The following SAMMSON variants were observed in gnomAD, a reference collection of about 807,000 sequenced individuals.
SAMMSON encodes survival associated mitochondrial melanoma specific oncogenic non-coding RNA.
intron 4 of SAMMSON, among the ~76,000 whole-genome samples, chr3:70,107,117 A>C (rs2067369745): frequency 6.6e-6 from 1 of 152,218 alleles, no homozygotes; most frequent in Non-Finnish European, 1.5e-5. Context: ...TAAACTACGT[A>C]GAGGGGGACC....
chr3:70,023,281 C>T (rs1483543969), intron 3 of SAMMSON, among the ~76,000 whole-genome samples: 1 of 151,660 alleles, frequency 6.6e-6, no homozygotes, highest in Non-Finnish European at 1.5e-5. Flanking sequence ...AAAGCGAAAC[C>T]CCGTCTCTAG....
chr3:70,348,886 C>T (rs1386472577), intron 7 of SAMMSON, among the ~76,000 whole-genome samples: 1 of 152,042 alleles, frequency 6.6e-6, no homozygotes, highest in East Asian at 1.9e-4. Context: ...CTAGATCTTA[C>T]GGTCTGAGCT....
intron 1 of SAMMSON, among the ~76,000 whole-genome samples, chr3:70,000,035 C>T (rs533830944): frequency 1.5e-4 from 23 of 152,258 alleles, no homozygotes; most frequent in Non-Finnish European, 3.1e-4. Context: ...TCCGGTACAC[C>T]AAGGCGAGAA....
intron 4 of SAMMSON, among the ~76,000 whole-genome samples, chr3:70,147,222 T>C (rs9820801): frequency 0.26 from 39,958 of 151,934 alleles, 5,544 homozygotes; most frequent in East Asian, 0.51. Flanking sequence ...GATCTATACA[T>C]AGTGAAGATA....
chr3:70,155,626 A>G (rs1174944147), intron 4 of SAMMSON, among the ~76,000 whole-genome samples: 1 of 152,076 alleles, frequency 6.6e-6, no homozygotes, highest in African/African-American at 2.4e-5. Flanking sequence ...CAGAAGTCAA[A>G]TTGGCTTGGG....
chr3:70,412,155 A>T (rs1415974345), intron 2 of SAMMSON, among the ~76,000 whole-genome samples: 1 of 152,178 alleles, frequency 6.6e-6, no homozygotes, highest in Non-Finnish European at 1.5e-5. Flanking sequence ...AAACTTCATG[A>T]ATTGAATATG....
At chr3:70,245,671 T>TTATA (rs34480688) in intron 4 of SAMMSON, among the ~76,000 whole-genome samples, 1,670 of 57,054 alleles carry the variant, frequency 0.029, 55 homozygotes, top group Non-Finnish European at 0.038. Context: ...GCAAACTGCT[T>TTATA]TATATATATA....
At chr3:70,085,730 A>G (rs2067283128) in intron 4 of SAMMSON, among the ~76,000 whole-genome samples, 1 of 152,220 alleles carries the variant, frequency 6.6e-6, no homozygotes, top group Non-Finnish European at 1.5e-5. Context: ...TTAAACACAA[A>G]TAATTATATA....
chr3:70,246,933 T>G (rs1393039926), intron 4 of SAMMSON, among the ~76,000 whole-genome samples: 2 of 152,028 alleles, frequency 1.3e-5, no homozygotes, highest in African/African-American at 4.8e-5. Flanking sequence ...TTTCAATAAT[T>G]CGTAATTATA....
chr3:70,383,855 C>A (rs958224609), intron 9 of SAMMSON, among the ~76,000 whole-genome samples: 11 of 151,986 alleles, frequency 7.2e-5, no homozygotes, highest in African/African-American at 2.7e-4. Context: ...ATAACATCTG[C>A]CCTACAGTAT....
At chr3:70,249,220 G>A (rs1386249700) in intron 5 of SAMMSON, 3 of 152,142 alleles carry the variant, frequency 2.0e-5, no homozygotes, top group African/African-American at 7.2e-5. Context: ...CAAGAGCTTT[G>A]TGTCCTTAAT....
intron 7 of SAMMSON, among the ~76,000 whole-genome samples, chr3:70,320,246 G>A (rs983867316): frequency 2.5e-4 from 38 of 152,190 alleles, no homozygotes; most frequent in African/African-American, 9.1e-4. Flanking sequence ...AGTGGGAAAA[G>A]GGATCATTGC....
At chr3:70,088,048 G>A (rs1254031517) in intron 4 of SAMMSON, among the ~76,000 whole-genome samples, 4 of 152,134 alleles carry the variant, frequency 2.6e-5, no homozygotes, top group African/African-American at 9.7e-5. Context: ...AATGATACAA[G>A]CATTTGCCTT....
chr3:70,303,799 A>C (rs1559558974), intron 7 of SAMMSON, among the ~76,000 whole-genome samples: 1 of 152,074 alleles, frequency 6.6e-6, no homozygotes, highest in Non-Finnish European at 1.5e-5. Context: ...CTCTTGCCTC[A>C]GCTTCCTGAG....
At chr3:70,383,460 T>C (rs1002207605) in intron 9 of SAMMSON, among the ~76,000 whole-genome samples, 2 of 152,046 alleles carry the variant, frequency 1.3e-5, no homozygotes, top group Admixed American at 1.3e-4. Flanking sequence ...ATTTGAAGAC[T>C]AAAACTATGG....
intron 9 of SAMMSON, among the ~76,000 whole-genome samples, chr3:70,388,673 C>G (rs1307075965): frequency 6.6e-6 from 1 of 152,162 alleles, no homozygotes; most frequent in Non-Finnish European, 1.5e-5. Context: ...AGGGTAACAT[C>G]ATCCCGTGCT....
At chr3:70,378,046 T>A (rs1703036060) in intron 9 of SAMMSON, among the ~76,000 whole-genome samples, 1 of 151,914 alleles carries the variant, frequency 6.6e-6, no homozygotes, top group Non-Finnish European at 1.5e-5. Flanking sequence ...GTATTTCAAA[T>A]GAAAAAGTAC....
intron 4 of SAMMSON, among the ~76,000 whole-genome samples, chr3:70,115,331 G>A (rs941678429): frequency 6.6e-6 from 1 of 151,896 alleles, no homozygotes; most frequent in African/African-American, 2.4e-5. Context: ...TAAGGACTAT[G>A]TGTGTTCACT....
chr3:70,018,622 A>T (rs1252292014), intron 3 of SAMMSON, among the ~76,000 whole-genome samples: 5 of 152,118 alleles, frequency 3.3e-5, no homozygotes, highest in African/African-American at 1.2e-4. Flanking sequence ...GCCTTCTGCT[A>T]GCTTTTGAAT....
Sources: gnomAD v4.1 joint callset for allele counts (sites outside exome capture counted in the v4.1 genomes callset) on GRCh38, gnomAD v4.1.1 for gene constraint, MANE v1.5 for transcripts, NCBI Gene and HGNC (gene_info 2026-07-23, HGNC 2026-07-21) for gene names.